The following UBE2D2 variants were observed in gnomAD, a reference collection of about 807,000 sequenced individuals.
The protein encoded by UBE2D2 is ubiquitin-conjugating enzyme E2 D2.
In UBE2D2, 2 loss-of-function variants were observed where a neutral mutation model predicts 24.2. The ratio of observed to expected loss-of-function variants is 0.08; its 90% CI spans 0.03 to 0.26. The LOEUF is 0.26. Among genes scored for constraint, UBE2D2 ranks in the 10% least tolerant of loss-of-function variants. UBE2D2 has a pLI of 1.00. For missense variants in UBE2D2, 44 were observed against 177.6 expected (o/e 0.25, Z 4.28); for synonymous variants, 58 against 56.5 (o/e 1.03, Z -0.12).
chr5:139,562,082 T>C (rs901677174), intron 1 of UBE2D2: 41 of 898,340 alleles, frequency 4.6e-5, no homozygotes, highest in Non-Finnish European at 6.3e-5. Context: ...CTCTTAGGGC[T>C]TCTCTCCAGT....
chr5:139,533,618 T>A (rs1752625959), intron 1 of UBE2D2, among the ~76,000 whole-genome samples: 1 of 150,142 alleles, frequency 6.7e-6, no homozygotes, highest in South Asian at 2.1e-4. Flanking sequence ...GCCATTGCAC[T>A]CTAGCCTGGG....
intron 2 of UBE2D2, among the ~76,000 whole-genome samples, chr5:139,606,364 T>G (rs1247612526): frequency 6.6e-6 from 1 of 152,066 alleles, no homozygotes; most frequent in Non-Finnish European, 1.5e-5. Context: ...GGTTTCACCA[T>G]GTTGGCCAGG....
intron 6 of UBE2D2, chr5:139,623,777 C>T (rs936161046): frequency 8.0e-5 from 14 of 175,486 alleles, no homozygotes; most frequent in African/African-American, 2.6e-4. Context: ...CTGCAACCTC[C>T]GCCTCCTGGG....
At position 139,590,782 on chromosome 5, in the gene UBE2D2, C is replaced by CTTTTTTTTTTTT; in HGVS notation, c.25-9571_25-9560dup. Among the ~76,000 whole-genome samples, 64 of 38,430 alleles carry CTTTTTTTTTTTT rather than the reference C, an allele frequency of 1.7e-3. 8 individuals are homozygous for CTTTTTTTTTTTT. The highest frequency in any genetic ancestry group is 2.4e-3 in the Non-Finnish European group (47 of 19,482). 25.2% of individuals were successfully genotyped at this position (38,430 alleles called of 152,430 possible). A position where few individuals can be genotyped will look rare whatever the true frequency, so the allele number is the denominator to read the frequency against. ...TTCATGGTGGGTATTTTCTCTTCTT[C>CTTTTTTTTTTTT]TTTTTTTTTTTTTTTTTTTTTTTTT... On this transcript the variant is annotated intron_variant, in intron 1 of 6. Transcript: ENST00000398733.
chr5:139,584,804 A>T (rs1479485897), intron 1 of UBE2D2, among the ~76,000 whole-genome samples: 7 of 151,368 alleles, frequency 4.6e-5, no homozygotes, highest in Admixed American at 4.6e-4. Context: ...AAGTGTTGGG[A>T]TTACAGGCGT....
intron 2 of UBE2D2, chr5:139,611,918 A>G (rs1026754921): frequency 7.9e-5 from 12 of 151,986 alleles, no homozygotes; most frequent in African/African-American, 2.9e-4. Context: ...GGGAAAATAC[A>G]TCTAACAGAG....
chr5:139,609,666 T>C (rs1290134624), intron 2 of UBE2D2, among the ~76,000 whole-genome samples: 1 of 151,034 alleles, frequency 6.6e-6, no homozygotes, highest in Non-Finnish European at 1.5e-5. Flanking sequence ...CCATCACACC[T>C]GGCTGCGCAT....
chr5:139,611,713 T>A (rs1357542883), intron 2 of UBE2D2, among the ~76,000 whole-genome samples: 1 of 152,174 alleles, frequency 6.6e-6, no homozygotes, highest in Non-Finnish European at 1.5e-5. Context: ...TTTACAGGTA[T>A]GTTTATAATT....
At chr5:139,620,398 A>G (rs946914399) in intron 5 of UBE2D2, among the ~76,000 whole-genome samples, 1 of 152,252 alleles carries the variant, frequency 6.6e-6, no homozygotes, top group Non-Finnish European at 1.5e-5. Context: ...AGAATAAGTT[A>G]AAGGAACATT....
chr5:139,548,163 CAAAAA>C (rs749269739), intron 1 of UBE2D2, among the ~76,000 whole-genome samples: 2 of 33,008 alleles, frequency 6.1e-5, no homozygotes, highest in Admixed American at 4.2e-4. Context: ...GACTCCGTCT[CAAAAA>C]AAAAAAAAAA....
chr5:139,544,607 CCACACA>C (rs111460156), intron 1 of UBE2D2, among the ~76,000 whole-genome samples: 17 of 145,462 alleles, frequency 1.2e-4, no homozygotes, highest in South Asian at 2.2e-4. Context: ...TGCATTCTAA[CCACACA>C]CACACACACA....
intron 1 of UBE2D2, among the ~76,000 whole-genome samples, chr5:139,580,501 A>G (rs138309852): frequency 6.6e-6 from 1 of 152,080 alleles, no homozygotes; most frequent in East Asian, 1.9e-4. Flanking sequence ...TCGCTGCGTG[A>G]CCCAGGCTGG....
chr5:139,542,789 C>G (rs1345902995), intron 1 of UBE2D2, among the ~76,000 whole-genome samples: 1 of 152,168 alleles, frequency 6.6e-6, no homozygotes, highest in Non-Finnish European at 1.5e-5. Flanking sequence ...GAAATAAATT[C>G]TACACATGCT....
At chr5:139,602,104 T>C (rs1159319034) in intron 2 of UBE2D2, among the ~76,000 whole-genome samples, 1 of 152,134 alleles carries the variant, frequency 6.6e-6, no homozygotes, top group Non-Finnish European at 1.5e-5. Flanking sequence ...CGTGCTGGAG[T>C]GCAGTGGCGT....
chr5:139,551,577 A>G (rs1176417913), intron 1 of UBE2D2, among the ~76,000 whole-genome samples: 1 of 152,204 alleles, frequency 6.6e-6, no homozygotes, highest in Non-Finnish European at 1.5e-5. Flanking sequence ...TGAATTGCTC[A>G]TTATTCAGCC....
chr5:139,549,768 C>T (rs1418875772), intron 1 of UBE2D2, among the ~76,000 whole-genome samples: 1 of 152,222 alleles, frequency 6.6e-6, no homozygotes, highest in Non-Finnish European at 1.5e-5. Flanking sequence ...CCGCCCCGGC[C>T]CAGCACAGGA....
At chr5:139,526,304 A>G (rs1561494136), upstream of UBE2D2, 1 of 152,118 alleles carries the variant, frequency 6.6e-6, no homozygotes, top group Non-Finnish European at 1.5e-5. Context: ...TCCTTCTACA[A>G]CTTGGTGTCT....
chr5:139,603,964 A>G (rs961590318), intron 2 of UBE2D2, among the ~76,000 whole-genome samples: 10 of 151,806 alleles, frequency 6.6e-5, no homozygotes, highest in Admixed American at 2.0e-4. Context: ...AAACAAACAA[A>G]CTCTCCCAAA....
At chr5:139,577,499 C>T (rs776160532) in intron 1 of UBE2D2, among the ~76,000 whole-genome samples, 3 of 150,180 alleles carry the variant, frequency 2.0e-5, no homozygotes, top group South Asian at 2.1e-4. Flanking sequence ...CTGCAATCTC[C>T]GCCTCCCGGG....
Sources: allele counts gnomAD v4.1 joint callset (sites outside exome capture counted in the v4.1 genomes callset), GRCh38; gene constraint gnomAD v4.1.1; transcripts MANE v1.5; gene names NCBI Gene and HGNC (gene_info 2026-07-23, HGNC 2026-07-21).